Variants in IREB2 observed in about 807,000 individuals in gnomAD.
IREB2 encodes the protein iron-responsive element-binding protein 2.
In IREB2, 39 loss-of-function variants were observed where a neutral mutation model predicts 118.8. That is an observed-to-expected ratio of 0.33 (90% CI 0.25 to 0.43). The LOEUF is 0.43. Among genes scored for constraint, IREB2 ranks in the 20% least tolerant of loss-of-function variants. IREB2 has a pLI of 1.00. For missense variants in IREB2, 900 were observed against 1,147.3 expected (o/e 0.78, Z 3.11); for synonymous variants, 372 against 392.2 (o/e 0.95, Z 0.61).
At chr15:78,468,648 C>T (rs1027019266) in intron 5 of IREB2, among the ~76,000 whole-genome samples, 2 of 151,762 alleles carry the variant, frequency 1.3e-5, no homozygotes, top group African/African-American at 4.8e-5. Flanking sequence ...TTCATTTATC[C>T]TAAGTACCAA....
At chr15:78,444,691 G>A (rs972219838) in intron 2 of IREB2, among the ~76,000 whole-genome samples, 2 of 152,062 alleles carry the variant, frequency 1.3e-5, no homozygotes, top group Non-Finnish European at 1.5e-5. Flanking sequence ...ATTTTTATGT[G>A]TATACAAAAA....
chr15:78,457,288 A>G (rs560814708), intron 2 of IREB2, among the ~76,000 whole-genome samples: 2 of 151,760 alleles, frequency 1.3e-5, no homozygotes, highest in East Asian at 3.9e-4. Flanking sequence ...TCCATCTGGG[A>G]CTGACTGCAT....
rs771540618 is a variant in IREB2 at position 78,471,855 on chromosome 15, T to A, written c.814T>A (p.Phe272Ile). 5 of 1,613,794 alleles carry A rather than the reference T, an allele frequency of 3.1e-6. No homozygotes were observed. Among genetic ancestry groups the A allele is most frequent in the Non-Finnish European group, 3.4e-6 (4 of 1,179,788 alleles). Reference sequence around the variant, plus strand: ...GGTTTTTGAAGAAAAAGACCTCCTCTTCCCAGACAGTGTAGTCGGCACAGA... The same window carrying A: ...GGTTTTTGAAGAAAAAGACCTCCTCATCCCAGACAGTGTAGTCGGCACAGA... ...RVVFEEKDLLFPDSVVGTDSH... is the reference protein window; with the variant it reads ...RVVFEEKDLLIPDSVVGTDSH... Residue 272 changes from phenylalanine to isoleucine, a missense_variant, in exon 7 of 22, where the codon TTC (phenylalanine) becomes ATC (isoleucine). Transcript: ENST00000258886.
intron 11 of IREB2, among the ~76,000 whole-genome samples, chr15:78,484,434 T>A (rs1207799576): frequency 6.6e-6 from 1 of 152,030 alleles, no homozygotes; most frequent in Non-Finnish European, 1.5e-5. Context: ...CAGAAAAAAA[T>A]TTCTGCCATC....
At chr15:78,442,220 T>A (rs1214640246) in intron 2 of IREB2, among the ~76,000 whole-genome samples, 1 of 150,474 alleles carries the variant, frequency 6.6e-6, no homozygotes, top group Non-Finnish European at 1.5e-5. Flanking sequence ...AATAGAGTGC[T>A]TATTATGAGA....
chr15:78,486,364 G>T (rs1325850148), intron 13 of IREB2, among the ~76,000 whole-genome samples: 1 of 152,094 alleles, frequency 6.6e-6, no homozygotes, highest in Admixed American at 6.5e-5. Context: ...CCCAGCACTT[G>T]GGGAGGCCGA....
intron 16 of IREB2, among the ~76,000 whole-genome samples, chr15:78,489,650 G>A (rs1376398588): frequency 2.0e-5 from 3 of 151,838 alleles, no homozygotes; most frequent in African/African-American, 7.3e-5. Context: ...GAGTAGCTGG[G>A]GCCACAGGCG....
intron 2 of IREB2, among the ~76,000 whole-genome samples, chr15:78,453,646 G>A (rs1183158322): frequency 6.6e-6 from 1 of 152,218 alleles, no homozygotes; most frequent in East Asian, 1.9e-4. Context: ...CTTAACTGGT[G>A]AAAGGGTGAA....
At chr15:78,476,391 T>C in intron 9 of IREB2, 32 bp downstream of exon 9, 2 of 1,424,170 alleles carry the variant, frequency 1.4e-6, no homozygotes, top group South Asian at 1.3e-5. Context: ...AGAATAAACA[T>C]GTTACATTTC....
chr15:78,456,349 T>C (rs1422906686), intron 2 of IREB2, among the ~76,000 whole-genome samples: 1 of 152,214 alleles, frequency 6.6e-6, no homozygotes, highest in Admixed American at 6.5e-5. Context: ...TGCTTCTTCA[T>C]GACAAAATGT....
chr15:78,493,834 A>G (rs1051885092), intron 18 of IREB2, 75 bp from the exon 19 acceptor site: 15 of 1,410,960 alleles, frequency 1.1e-5, no homozygotes, highest in Admixed American at 9.5e-5. Flanking sequence ...AAATTTTTCA[A>G]TAGGTCTTAC....
intron 2 of IREB2, among the ~76,000 whole-genome samples, chr15:78,454,720 G>T (rs2051078238): frequency 6.6e-6 from 1 of 152,170 alleles, no homozygotes; most frequent in Non-Finnish European, 1.5e-5. Context: ...TAGAGACAGG[G>T]TCTTACTCTG....
At chr15:78,483,582 A>T in intron 11 of IREB2, 148 bp downstream of exon 11, 1 of 569,560 alleles carries the variant, frequency 1.8e-6, no homozygotes, top group Non-Finnish European at 3.2e-6. Context: ...CTTCTGTCTA[A>T]TGTGCAAGTC....
intron 2 of IREB2, among the ~76,000 whole-genome samples, chr15:78,443,080 C>T (rs1243581702): frequency 2.0e-5 from 3 of 152,038 alleles, no homozygotes; most frequent in African/African-American, 7.3e-5. Flanking sequence ...ACTACCAAAC[C>T]GTGTATGTAC....
intron 20 of IREB2, among the ~76,000 whole-genome samples, chr15:78,496,903 G>A (rs2051846417): frequency 6.6e-6 from 1 of 152,120 alleles, no homozygotes; most frequent in Non-Finnish European, 1.5e-5. Flanking sequence ...CTTAACCCTA[G>A]AGCAGCAGAA....
intron 2 of IREB2, among the ~76,000 whole-genome samples, chr15:78,445,495 A>C (rs1335274506): frequency 6.6e-6 from 1 of 152,256 alleles, no homozygotes; most frequent in Non-Finnish European, 1.5e-5. Flanking sequence ...AGTAAAAAAT[A>C]GGTTGCAGTT....
At chr15:78,497,438 C>A in intron 21 of IREB2, 127 bp downstream of exon 21, 1 of 680,262 alleles carries the variant, frequency 1.5e-6, no homozygotes, top group Non-Finnish European at 2.5e-6. Context: ...TTTAAGATGA[C>A]TCTCTCTTCC....
chr15:78,453,076 A>G (rs901269576), intron 2 of IREB2, among the ~76,000 whole-genome samples: 2 of 152,258 alleles, frequency 1.3e-5, no homozygotes, highest in African/African-American at 4.8e-5. Context: ...TCTTTGCTCC[A>G]GAGCAAGACG....
At chr15:78,485,186 T>C (rs2051639126) in intron 12 of IREB2, among the ~76,000 whole-genome samples, 1 of 152,230 alleles carries the variant, frequency 6.6e-6, no homozygotes, top group East Asian at 1.9e-4. Flanking sequence ...GAACTATAGT[T>C]AATTAGCAGG....
Sources: gnomAD v4.1 joint callset for allele counts (sites outside exome capture counted in the v4.1 genomes callset) on GRCh38, gnomAD v4.1.1 for gene constraint, MANE v1.5 for transcripts, NCBI Gene and HGNC (gene_info 2026-07-23, HGNC 2026-07-21) for gene names.